Variants in DDX4 observed in about 807,000 individuals in gnomAD.
DDX4 encodes the protein probable ATP-dependent RNA helicase DDX4.
A neutral mutation model predicts 100.0 loss-of-function variants in DDX4; 25 were observed. The observed-to-expected ratio is 0.25, with a 90% confidence interval of 0.18 to 0.35. DDX4 has a LOEUF of 0.35. DDX4 is among the 10% of genes least tolerant of loss of function. DDX4 has a pLI of 1.00. For missense variants in DDX4, 635 were observed against 882.4 expected (o/e 0.72, Z 3.55); for synonymous variants, 259 against 275.7 (o/e 0.94, Z 0.60).
At chr5:55,793,064 G>GTGT (rs1742690573) in intron 17 of DDX4, among the ~76,000 whole-genome samples, 1 of 149,654 alleles carries the variant, frequency 6.7e-6, no homozygotes, top group African/African-American at 2.5e-5. Context: ...GTTTGTGTGT[G>GTGT]TTGTTGTTGT....
At chr5:55,742,855 A>C (rs1346294628) in intron 2 of DDX4, among the ~76,000 whole-genome samples, 2 of 152,202 alleles carry the variant, frequency 1.3e-5, no homozygotes, top group Non-Finnish European at 2.9e-5. Flanking sequence ...AAAGTACTAT[A>C]AAAAATTAGA....
chr5:55,754,037 T>A (rs1298145682), intron 3 of DDX4, among the ~76,000 whole-genome samples: 1 of 135,538 alleles, frequency 7.4e-6, no homozygotes. Flanking sequence ...CCTGAGACTT[T>A]GCTGAAGTTG....
intron 4 of DDX4, among the ~76,000 whole-genome samples, chr5:55,760,849 T>C (rs1740489282): frequency 6.6e-6 from 1 of 152,222 alleles, no homozygotes; most frequent in African/African-American, 2.4e-5. Flanking sequence ...ATGTGCTATA[T>C]TTTATTATAG....
intron 6 of DDX4, among the ~76,000 whole-genome samples, chr5:55,766,019 A>G (rs917545576): frequency 1.4e-5 from 2 of 143,052 alleles, no homozygotes; most frequent in African/African-American, 5.2e-5. Flanking sequence ...GGGTTTCGTC[A>G]CGTTGGCCAG....
intron 6 of DDX4, among the ~76,000 whole-genome samples, chr5:55,764,776 A>G (rs552512855): frequency 6.6e-6 from 1 of 152,196 alleles, no homozygotes; most frequent in East Asian, 1.9e-4. Context: ...TTTCTAAGCC[A>G]GTTTTCTGTT....
intron 16 of DDX4, among the ~76,000 whole-genome samples, 178 bp from the exon 17 acceptor site, chr5:55,792,463 C>G (rs1282833572): frequency 6.6e-6 from 1 of 151,692 alleles, no homozygotes; most frequent in African/African-American, 2.4e-5. Flanking sequence ...GGGTTCACAC[C>G]GTTCTCCTGC....
intron 3 of DDX4, among the ~76,000 whole-genome samples, chr5:55,753,265 G>A (rs1759687511): frequency 1.3e-5 from 2 of 152,150 alleles, no homozygotes; most frequent in African/African-American, 4.8e-5. Context: ...GTCCTGAATG[G>A]TAATGCCTAG....
intron 10 of DDX4, among the ~76,000 whole-genome samples, chr5:55,784,508 T>C (rs534560792): frequency 2.0e-5 from 3 of 152,294 alleles, no homozygotes; most frequent in Admixed American, 6.5e-5. Flanking sequence ...TCTGGTCAAA[T>C]TGACACCGCA....
chr5:55,806,620 T>A (rs1430846902), intron 18 of DDX4, among the ~76,000 whole-genome samples: 1 of 152,260 alleles, frequency 6.6e-6, no homozygotes, highest in African/African-American at 2.4e-5. Context: ...TCAGGTTCCA[T>A]GTAGTTGAGT....
At chr5:55,798,146 A>G (rs187360564) in intron 17 of DDX4, among the ~76,000 whole-genome samples, 192 of 152,266 alleles carry the variant, frequency 1.3e-3, no homozygotes, top group African/African-American at 4.4e-3. Context: ...TGTTATACAC[A>G]TATTTTATAT....
intron 7 of DDX4, among the ~76,000 whole-genome samples, chr5:55,770,746 T>C (rs1741204870): frequency 6.6e-6 from 1 of 152,118 alleles, no homozygotes; most frequent in African/African-American, 2.4e-5. Context: ...CTTCTTATGA[T>C]AATTGTGGAG....
At chr5:55,805,096 G>A (rs928060329) in intron 18 of DDX4, among the ~76,000 whole-genome samples, 276 of 151,496 alleles carry the variant, frequency 1.8e-3, no homozygotes, top group African/African-American at 4.8e-3. Context: ...TTGTGAATGG[G>A]AGTTCACTCA....
intron 8 of DDX4, 114 bp from the exon 9 acceptor site, chr5:55,780,952 T>C (rs1453359852): frequency 1.2e-6 from 1 of 813,180 alleles, no homozygotes; most frequent in East Asian, 2.7e-5. Context: ...ATTTTTCTAT[T>C]TTACCCTGCA....
intron 3 of DDX4, among the ~76,000 whole-genome samples, chr5:55,758,066 T>G (rs953402292): frequency 6.6e-6 from 1 of 152,028 alleles, no homozygotes; most frequent in Non-Finnish European, 1.5e-5. Flanking sequence ...AACAAAAAAA[T>G]TCTCATGCAC....
At chr5:55,813,886 C>T in intron 19 of DDX4, 114 bp downstream of exon 19, 6 of 1,243,682 alleles carry the variant, frequency 4.8e-6, no homozygotes, top group Non-Finnish European at 6.3e-6. Flanking sequence ...TCAGAATTCT[C>T]TCAGATCTAA....
chr5:55,759,983 A>G (rs1192460979), intron 3 of DDX4, among the ~76,000 whole-genome samples: 1 of 151,678 alleles, frequency 6.6e-6, no homozygotes, highest in Non-Finnish European at 1.5e-5. Flanking sequence ...TTTGATTTCT[A>G]GTTCTTTATG....
chr5:55,792,123 CA>C (rs35635463), intron 16 of DDX4, among the ~76,000 whole-genome samples: 5,674 of 52,202 alleles, frequency 0.11, 78 homozygotes, highest in East Asian at 0.22. Flanking sequence ...GACTCCTTCT[CA>C]AAAAAAAAAA....
chr5:55,794,885 T>C (rs1742823939), intron 17 of DDX4, among the ~76,000 whole-genome samples: 1 of 152,076 alleles, frequency 6.6e-6, no homozygotes, highest in Admixed American at 6.6e-5. Context: ...ATATATCCGT[T>C]CCCTTGGCTT....
At chr5:55,793,065 T>TGTGTGTGTGTTTGTGTG (rs1160621818) in intron 17 of DDX4, among the ~76,000 whole-genome samples, 16 of 149,186 alleles carry the variant, frequency 1.1e-4, no homozygotes, top group African/African-American at 3.9e-4. Context: ...TTTGTGTGTG[T>TGTGTGTGTGTTTGTGTG]TGTTGTTGTT....
Sources: gnomAD v4.1 joint callset for allele counts (sites outside exome capture counted in the v4.1 genomes callset) on GRCh38, gnomAD v4.1.1 for gene constraint, MANE v1.5 for transcripts, NCBI Gene and HGNC (gene_info 2026-07-23, HGNC 2026-07-21) for gene names.